The following BASP1 variants were observed in gnomAD, a reference collection of about 807,000 sequenced individuals.
BASP1 encodes the protein brain abundant membrane attached signal protein 1.
A neutral mutation model predicts 2.2 loss-of-function variants in BASP1; 1 was observed. The ratio of observed to expected loss-of-function variants is 0.46; its 90% CI spans 0.16 to 2.17. BASP1 has a LOEUF of 2.17. Ranked by LOEUF, BASP1 falls within the 30% of genes most tolerant of loss-of-function variation. The pLI is 0.27. For missense variants in BASP1, 352 were observed against 327.2 expected, an observed-to-expected ratio of 1.08 and a Z score of -0.58; for synonymous variants, 187 against 154.2, an observed-to-expected ratio of 1.21 and a Z score of -1.58.
Position 17,260,138 on chromosome 5 carries a change from T to C in BASP1, c.-9-15070T>C, listed in dbSNP as rs1740288555. Among the ~76,000 whole-genome samples the C allele has an allele frequency of 6.6e-6, 1 of 152,300 alleles. No individual in the cohort carries two copies. Among genetic ancestry groups the C allele is most frequent in the African/African-American group, 2.4e-5 (1 of 41,568 alleles). ...CCCGTTAAGTGCAAATAAATAACAA[T>C]GTGAACACACAGCAGACTCTAAAAA... On this transcript the variant is annotated intron_variant, in intron 1 of 1. Coordinates refer to ENST00000322611, the MANE Select transcript of BASP1 (RefSeq NM_006317.5). The surrounding 1 kb of genome is among the most constrained non-coding windows in gnomAD (Gnocchi z 4.2).
intron 1 of BASP1, among the ~76,000 whole-genome samples, chr5:17,235,245 G>A (rs298527): frequency 0.22 from 32,958 of 150,810 alleles, 3,943 homozygotes; most frequent in East Asian, 0.33. Context: ...TGTTGCTCCC[G>A]TCTGCTATTT....
At chr5:17,261,663 G>A (rs2126514618) in intron 1 of BASP1, among the ~76,000 whole-genome samples, 1 of 152,254 alleles carries the variant, frequency 6.6e-6, no homozygotes, top group South Asian at 2.1e-4. Context: ...GCAAACATCT[G>A]GACTTAACTT....
At chr5:17,262,517 T>C (rs963130198) in intron 1 of BASP1, among the ~76,000 whole-genome samples, 1 of 152,210 alleles carries the variant, frequency 6.6e-6, no homozygotes, top group Admixed American at 6.5e-5. Context: ...TCCTCCCTCG[T>C]AGAACTGATG....
chr5:17,237,564 GA>G, intron 1 of BASP1, among the ~76,000 whole-genome samples: 1 of 151,462 alleles, frequency 6.6e-6, no homozygotes, highest in Non-Finnish European at 1.5e-5. Context: ...CTGGAAATAA[GA>G]TGCTTAAACA....
chr5:17,267,180 G>A (rs1178538900), intron 1 of BASP1, among the ~76,000 whole-genome samples: 1 of 152,148 alleles, frequency 6.6e-6, no homozygotes, highest in African/African-American at 2.4e-5. Context: ...TAGGAAGCAC[G>A]CTTGCTCAAA....
intron 1 of BASP1, among the ~76,000 whole-genome samples, chr5:17,253,428 G>T (rs541279407): frequency 6.6e-6 from 1 of 152,212 alleles, no homozygotes; most frequent in South Asian, 2.1e-4. Context: ...TCCCAGGCTG[G>T]TCTGGAACCC....
intron 1 of BASP1, among the ~76,000 whole-genome samples, chr5:17,273,859 A>G (rs1312224122): frequency 1.3e-5 from 2 of 152,136 alleles, no homozygotes; most frequent in Non-Finnish European, 2.9e-5. Flanking sequence ...TAACGAGGAT[A>G]GTATAATGTG....
At chr5:17,239,335 C>T (rs298543) in intron 1 of BASP1, among the ~76,000 whole-genome samples, 35,311 of 151,960 alleles carry the variant, frequency 0.23, 4,563 homozygotes, top group East Asian at 0.38. Flanking sequence ...CCTTGTGATC[C>T]GCCCGCCTCA....
chr5:17,224,460 A>T (rs568159262), intron 1 of BASP1, among the ~76,000 whole-genome samples: 1 of 129,888 alleles, frequency 7.7e-6, no homozygotes, highest in South Asian at 2.8e-4. Flanking sequence ...CAGGGGGGGA[A>T]AAAAGGGGAA....
chr5:17,225,524 G>C (rs988876449), intron 1 of BASP1, among the ~76,000 whole-genome samples: 1 of 152,148 alleles, frequency 6.6e-6, no homozygotes, highest in Admixed American at 6.5e-5. Flanking sequence ...CTAAACTTTA[G>C]TTTTTCTAAA....
At chr5:17,226,993 A>G (rs1333149001) in intron 1 of BASP1, among the ~76,000 whole-genome samples, 1 of 150,304 alleles carries the variant, frequency 6.7e-6, no homozygotes, top group African/African-American at 2.5e-5. Context: ...CAGTGGCGCA[A>G]TCTCAGCTCA....
intron 1 of BASP1, among the ~76,000 whole-genome samples, chr5:17,239,092 C>T (rs1168261806): frequency 6.6e-6 from 1 of 151,806 alleles, no homozygotes; most frequent in Non-Finnish European, 1.5e-5. Context: ...CTGTCTTCAG[C>T]TGTTTTTTTT....
At chr5:17,267,247 T>C (rs1207485210) in intron 1 of BASP1, among the ~76,000 whole-genome samples, 1 of 152,088 alleles carries the variant, frequency 6.6e-6, no homozygotes, top group African/African-American at 2.4e-5. Context: ...CCATCAAAAG[T>C]AGGTAAAGGG....
chr5:17,257,535 T>G (rs1740239804), intron 1 of BASP1, among the ~76,000 whole-genome samples: 1 of 152,200 alleles, frequency 6.6e-6, no homozygotes, highest in Non-Finnish European at 1.5e-5. Context: ...CTATATCCTT[T>G]ACTGCAAATA....
At chr5:17,246,253 G>A (rs1197035776) in intron 1 of BASP1, among the ~76,000 whole-genome samples, 2 of 151,994 alleles carry the variant, frequency 1.3e-5, no homozygotes, top group South Asian at 2.1e-4. Context: ...AGGCCAAGGC[G>A]GGTGGATCAT....
intron 1 of BASP1, among the ~76,000 whole-genome samples, chr5:17,262,837 A>G (rs1342974898): frequency 2.0e-5 from 3 of 150,408 alleles, no homozygotes; most frequent in Non-Finnish European, 1.5e-5. Context: ...TTTCCTCACT[A>G]AGATCAAATC....
intron 1 of BASP1, among the ~76,000 whole-genome samples, chr5:17,227,233 T>C (rs542460317): frequency 2.0e-5 from 3 of 147,716 alleles, no homozygotes; most frequent in African/African-American, 7.5e-5. Flanking sequence ...CCGTCCTTTT[T>C]TCTTTTTAGA....
At chr5:17,228,720 C>T (rs1313465428) in intron 1 of BASP1, among the ~76,000 whole-genome samples, 2 of 152,198 alleles carry the variant, frequency 1.3e-5, no homozygotes, top group African/African-American at 4.8e-5. Flanking sequence ...GATTGGGACA[C>T]ACGTACAAAC....
intron 1 of BASP1, among the ~76,000 whole-genome samples, chr5:17,221,587 C>T (rs1285533425): frequency 6.6e-6 from 1 of 152,018 alleles, no homozygotes. Flanking sequence ...GGGAAAAACA[C>T]TGAGTAGATA....
Sources: allele counts gnomAD v4.1 joint callset (sites outside exome capture counted in the v4.1 genomes callset), GRCh38; gene constraint gnomAD v4.1.1; non-coding constraint Gnocchi (gnomAD v3.1); transcripts MANE v1.5; gene names NCBI Gene and HGNC (gene_info 2026-07-23, HGNC 2026-07-21).